Variants in SULF1 observed in about 807,000 individuals in gnomAD.
SULF1 encodes the protein sulfatase 1.
In SULF1, 46 loss-of-function variants were observed where a neutral mutation model predicts 110.5. The observed-to-expected ratio is 0.42, with a 90% confidence interval of 0.33 to 0.53. The LOEUF is 0.53. Ranked by LOEUF, SULF1 falls within the 20% of genes least tolerant of loss-of-function variation. The pLI, the probability that SULF1 is intolerant of heterozygous loss-of-function variation, is 0.12. For synonymous variants in SULF1, 371 were observed against 387.1 expected, an observed-to-expected ratio of 0.96 and a Z score of 0.49; for missense variants, 941 against 1,094.2, an observed-to-expected ratio of 0.86 and a Z score of 1.98.
intron 13 of SULF1, among the ~76,000 whole-genome samples, chr8:69,607,747 C>T (rs1041270042): frequency 2.0e-5 from 3 of 152,066 alleles, no homozygotes; most frequent in African/African-American, 4.8e-5. Flanking sequence ...CTGTTTTTGG[C>T]GACAGTATCC....
chr8:69,577,281 A>G (rs1805679601), intron 6 of SULF1, among the ~76,000 whole-genome samples: 1 of 152,188 alleles, frequency 6.6e-6, no homozygotes, highest in African/African-American at 2.4e-5. Flanking sequence ...AGCACCTTTC[A>G]TTTGAGGACT....
intron 19 of SULF1, among the ~76,000 whole-genome samples, chr8:69,630,471 TGGG>T (rs1810430862): frequency 6.6e-6 from 1 of 152,186 alleles, no homozygotes; most frequent in East Asian, 1.9e-4. Flanking sequence ...AGACCATTCT[TGGG>T]GGGATCTAGG....
At chr8:69,537,044 T>A (rs909431649) in intron 3 of SULF1, among the ~76,000 whole-genome samples, 1 of 152,214 alleles carries the variant, frequency 6.6e-6, no homozygotes. Flanking sequence ...CTCCGTTTTG[T>A]AGGCACTTAA....
At chr8:69,635,578 G>A (rs1186880091) in intron 19 of SULF1, among the ~76,000 whole-genome samples, 1 of 152,208 alleles carries the variant, frequency 6.6e-6, no homozygotes, top group Non-Finnish European at 1.5e-5. Context: ...TAGTAATTAA[G>A]AGTAAACTCT....
At chr8:69,533,398 T>TC (rs1436352534) in intron 3 of SULF1, among the ~76,000 whole-genome samples, 2 of 152,104 alleles carry the variant, frequency 1.3e-5, no homozygotes, top group Non-Finnish European at 2.9e-5. Context: ...ATGTTCTCCC[T>TC]CCCTCCGTCC....
chr8:69,574,634 T>A (rs753167478), intron 5 of SULF1, among the ~76,000 whole-genome samples: 2 of 152,236 alleles, frequency 1.3e-5, no homozygotes, highest in Non-Finnish European at 2.9e-5. Context: ...ATTTCCCATT[T>A]CTTTTGTTTA....
chr8:69,620,271 G>A (rs773587212), intron 13 of SULF1, among the ~76,000 whole-genome samples: 18 of 152,082 alleles, frequency 1.2e-4, no homozygotes, highest in Non-Finnish European at 2.5e-4. Context: ...GTCTGCTTCC[G>A]GAGCCTGAGT....
intron 22 of SULF1, 195 bp downstream of exon 22, chr8:69,641,036 T>C (rs1336776486): frequency 4.3e-6 from 2 of 464,164 alleles, no homozygotes; most frequent in Non-Finnish European, 7.6e-6. Flanking sequence ...CAGCTCACTG[T>C]CCCATCAAGA....
intron 3 of SULF1, among the ~76,000 whole-genome samples, chr8:69,539,035 T>C (rs947917314): frequency 6.6e-6 from 1 of 152,198 alleles, no homozygotes; most frequent in African/African-American, 2.4e-5. Flanking sequence ...GATTGAACCC[T>C]GTAGCTGGAT....
intron 3 of SULF1, among the ~76,000 whole-genome samples, chr8:69,538,288 T>TTTTTTTTTTG (rs1563510390): frequency 1.3e-5 from 2 of 151,236 alleles, no homozygotes; most frequent in African/African-American, 2.4e-5. Context: ...TTTTTTTTTT[T>TTTTTTTTTTG]GAGCCATTAA....
At chr8:69,620,073 C>G (rs529873468) in intron 13 of SULF1, among the ~76,000 whole-genome samples, 1 of 152,068 alleles carries the variant, frequency 6.6e-6, no homozygotes, top group Non-Finnish European at 1.5e-5. Flanking sequence ...GGAGGTGGCT[C>G]TCAGTGGGAC....
intron 8 of SULF1, among the ~76,000 whole-genome samples, chr8:69,593,530 G>T (rs1175808289): frequency 6.6e-6 from 1 of 152,124 alleles, no homozygotes; most frequent in African/African-American, 2.4e-5. Flanking sequence ...TCTCAGACTG[G>T]GGTGAATGTA....
intron 5 of SULF1, among the ~76,000 whole-genome samples, chr8:69,567,192 T>C (rs1815945815): frequency 6.6e-6 from 1 of 151,940 alleles, no homozygotes. Context: ...CAGTGAACTG[T>C]GGGTTGGAGG....
chr8:69,501,242 A>G (rs557598987), intron 2 of SULF1, among the ~76,000 whole-genome samples: 23 of 152,214 alleles, frequency 1.5e-4, no homozygotes, highest in Non-Finnish European at 3.1e-4. Context: ...TTTATATCAT[A>G]TGCACATTTA....
At chr8:69,489,843 C>T (rs1809854463), upstream of SULF1, among the ~76,000 whole-genome samples, 1 of 151,842 alleles carries the variant, frequency 6.6e-6, no homozygotes, top group Non-Finnish European at 1.5e-5. Context: ...TGCGCCCGGC[C>T]CCCGCCTTCC....
At chr8:69,563,714 A>G (rs1228614941) in intron 4 of SULF1, 103 bp downstream of exon 4, 1 of 385,816 alleles carries the variant, frequency 2.6e-6, no homozygotes, top group Non-Finnish European at 4.7e-6. Flanking sequence ...AATAAAGGAC[A>G]AAAGTGAATT....
At chr8:69,603,694 C>T (rs757374655) in intron 12 of SULF1, 38 bp downstream of exon 12, 2 of 1,376,230 alleles carry the variant, frequency 1.5e-6, no homozygotes, top group Admixed American at 1.7e-5. Flanking sequence ...GGGAACCAGT[C>T]CTAGTGGGCA....
At chr8:69,592,519 G>A (rs1806981134) in intron 8 of SULF1, among the ~76,000 whole-genome samples, 1 of 152,190 alleles carries the variant, frequency 6.6e-6, no homozygotes, top group African/African-American at 2.4e-5. Flanking sequence ...AACGAGCCTG[G>A]TTTCCTGCCT....
At chr8:69,576,246 A>G in intron 6 of SULF1, 37 bp downstream of exon 6, 3 of 1,598,878 alleles carry the variant, frequency 1.9e-6, no homozygotes, top group Non-Finnish European at 2.6e-6. Context: ...AACGTCTTGT[A>G]ATATGTCTTA....
Sources: gnomAD v4.1 joint callset for allele counts (sites outside exome capture counted in the v4.1 genomes callset) on GRCh38, gnomAD v4.1.1 for gene constraint, MANE v1.5 for transcripts, NCBI Gene and HGNC (gene_info 2026-07-23, HGNC 2026-07-21) for gene names.